Variants in DYNLT5 observed in about 807,000 individuals in gnomAD.
The protein encoded by DYNLT5 is dynein light chain Tctex-type family member 5, also known as dynein light chain Tctex-type 5.
A neutral mutation model predicts 19.3 loss-of-function variants in DYNLT5; 25 were observed. The observed-to-expected ratio is 1.30, with a 90% CI of 0.95 to 1.81. The LOEUF is 1.81. Ranked by LOEUF, DYNLT5 falls within the 40% of genes most tolerant of loss-of-function variation. The pLI, the probability that DYNLT5 is intolerant of heterozygous loss-of-function variation, is 0.00. For missense variants in DYNLT5, 232 were observed against 217.9 expected (o/e 1.06, Z -0.41); for synonymous variants, 82 against 68.9 (o/e 1.19, Z -0.94).
intron 4 of DYNLT5, 121 bp downstream of exon 4, chr1:66,776,524 T>C (rs1393143377): frequency 1.7e-6 from 2 of 1,200,916 alleles, no homozygotes; most frequent in Admixed American, 5.3e-5. Context: ...TGCGTATTTA[T>C]AATTAGGTCA....
intron 1 of DYNLT5, among the ~76,000 whole-genome samples, chr1:66,754,381 C>T (rs2094632373): frequency 6.6e-6 from 1 of 152,178 alleles, no homozygotes; most frequent in South Asian, 2.1e-4. Flanking sequence ...CAATGACCTC[C>T]GTCTTCATCA....
At chr1:66,767,611 C>G (rs371582021) in intron 2 of DYNLT5, among the ~76,000 whole-genome samples, 1 of 152,168 alleles carries the variant, frequency 6.6e-6, no homozygotes, top group African/African-American at 2.4e-5. Context: ...AGGTAGCAAA[C>G]TCTGCATTAG....
chr1:66,770,289 A>C (rs144279233), intron 2 of DYNLT5, 98 bp from the exon 3 acceptor site: 2 of 828,374 alleles, frequency 2.4e-6, no homozygotes, highest in East Asian at 5.1e-5. Context: ...ATTTTCTGAG[A>C]AAACTTCATC....
chr1:66,769,893 A>T (rs1375838528), intron 2 of DYNLT5, among the ~76,000 whole-genome samples: 1 of 152,010 alleles, frequency 6.6e-6, no homozygotes, highest in Admixed American at 6.6e-5. Flanking sequence ...TTTCTTTTTC[A>T]TACTAAAGGG....
chr1:66,770,769 A>G, intron 3 of DYNLT5: 1 of 445,180 alleles, frequency 2.2e-6, no homozygotes, highest in Non-Finnish European at 4.1e-6. Flanking sequence ...ATTTCTGGGT[A>G]CATAGATATG....
intron 3 of DYNLT5, among the ~76,000 whole-genome samples, chr1:66,773,401 A>G (rs900726728): frequency 1.3e-5 from 2 of 152,102 alleles, no homozygotes; most frequent in African/African-American, 4.8e-5. Flanking sequence ...GAGCCTGTCA[A>G]TCTCTCAGCA....
intron 2 of DYNLT5, among the ~76,000 whole-genome samples, chr1:66,759,352 A>G (rs952627841): frequency 2.0e-5 from 3 of 152,192 alleles, no homozygotes; most frequent in African/African-American, 4.8e-5. Flanking sequence ...TTTATGTTCT[A>G]GGAGTAAGGA....
At chr1:66,759,179 T>C (rs1190816500) in intron 2 of DYNLT5, among the ~76,000 whole-genome samples, 1 of 152,164 alleles carries the variant, frequency 6.6e-6, no homozygotes, top group East Asian at 1.9e-4. Context: ...TGTTTGTAAA[T>C]GGGGAAATGA....
intron 2 of DYNLT5, among the ~76,000 whole-genome samples, chr1:66,767,502 C>T (rs1348540277): frequency 6.6e-6 from 1 of 152,154 alleles, no homozygotes; most frequent in Non-Finnish European, 1.5e-5. Flanking sequence ...AAGTGGTCTG[C>T]CCACTTCGGC....
At chr1:66,759,578 A>T (rs1163706328) in intron 2 of DYNLT5, among the ~76,000 whole-genome samples, 2 of 152,222 alleles carry the variant, frequency 1.3e-5, no homozygotes, top group Admixed American at 6.5e-5. Context: ...GTCAAAGAAG[A>T]CAGCAATTTT....
At chr1:66,753,384 A>G (rs952383381) in intron 1 of DYNLT5, among the ~76,000 whole-genome samples, 2 of 152,234 alleles carry the variant, frequency 1.3e-5, no homozygotes, top group African/African-American at 4.8e-5. Context: ...TTAAATTTGT[A>G]GGTAGACAAT....
chr1:66,764,238 A>T (rs1449724692), intron 2 of DYNLT5, among the ~76,000 whole-genome samples: 1 of 152,170 alleles, frequency 6.6e-6, no homozygotes. Flanking sequence ...TATAGTCACA[A>T]CTTGACTAAT....
rs1645251015 is a variant in DYNLT5 at position 66,778,570 on chromosome 1, C to T, written c.*1116C>T. The T allele has an allele frequency of 6.6e-6, 1 of 152,544 alleles. No homozygotes were observed. Among genetic ancestry groups the T allele is most frequent in the Non-Finnish European group, 1.5e-5 (1 of 68,024 alleles). 9.4% of individuals were successfully genotyped at this position (152,544 alleles called of 1,614,324 possible). On this transcript the variant is annotated 3_prime_UTR_variant, in exon 5 of 5. Transcript: ENST00000282670. ...TTAAAGGTCAAAGACAAATTGTACA[C>T]ATATGGAGAAAATTAGCAATGCTGT...
intron 2 of DYNLT5, among the ~76,000 whole-genome samples, chr1:66,759,162 C>G (rs2094641470): frequency 6.6e-6 from 1 of 152,102 alleles, no homozygotes; most frequent in Non-Finnish European, 1.5e-5. Flanking sequence ...ATTTTTATCC[C>G]CATTTATGTT....
At chr1:66,754,811 T>C (rs2094633155) in intron 2 of DYNLT5, 34 bp downstream of exon 2, 2 of 1,592,506 alleles carry the variant, frequency 1.3e-6, no homozygotes, top group Non-Finnish European at 1.7e-6. Context: ...AATTCATTTA[T>C]TGAATAAATA....
At chr1:66,759,584 A>G (rs890626631) in intron 2 of DYNLT5, among the ~76,000 whole-genome samples, 4 of 152,216 alleles carry the variant, frequency 2.6e-5, no homozygotes, top group Non-Finnish European at 5.9e-5. Flanking sequence ...GAAGACAGCA[A>G]TTTTCAGAAA....
intron 3 of DYNLT5, 38 bp from the exon 4 acceptor site, chr1:66,776,241 A>G (rs1193963896): frequency 6.2e-7 from 1 of 1,604,756 alleles, no homozygotes; most frequent in Admixed American, 1.7e-5. Context: ...TGTGATTTGA[A>G]ATTACTTTTT....
At chr1:66,754,799 TA>T (rs751663509) in intron 2 of DYNLT5, 22 bp downstream of exon 2, 4 of 1,597,686 alleles carry the variant, frequency 2.5e-6, no homozygotes, top group South Asian at 1.1e-5. Context: ...TCTAAAATTG[TA>T]AATTCATTTA....
intron 2 of DYNLT5, among the ~76,000 whole-genome samples, chr1:66,762,430 A>C (rs1180573698): frequency 6.6e-6 from 1 of 152,214 alleles, no homozygotes; most frequent in African/African-American, 2.4e-5. Context: ...ATCCTTTAAC[A>C]GTAAATCAAG....
Sources: gnomAD v4.1 joint callset for allele counts (sites outside exome capture counted in the v4.1 genomes callset) on GRCh38, gnomAD v4.1.1 for gene constraint, MANE v1.5 for transcripts, NCBI Gene and HGNC (gene_info 2026-07-23, HGNC 2026-07-21) for gene names.